Variants in MAG observed in about 807,000 individuals in gnomAD.
MAG encodes the protein myelin associated glycoprotein, also known as myelin-associated glycoprotein.
A neutral mutation model predicts 60.7 loss-of-function variants in MAG; 30 were observed. That is an observed-to-expected ratio of 0.49 (90% CI 0.37 to 0.67). The LOEUF is 0.67. MAG is among the 30% of genes least tolerant of loss of function. The pLI, the probability that MAG is intolerant of heterozygous loss-of-function variation, is 0.00. For synonymous variants in MAG, 384 were observed against 376.8 expected, an observed-to-expected ratio of 1.02 and a Z score of -0.22; for missense variants, 795 against 851.7, an observed-to-expected ratio of 0.93 and a Z score of 0.83.
chr19:35,295,431 C>T lies in MAG; in HGVS notation c.23C>T (p.Pro8Leu). The T allele has an allele frequency of 6.2e-7, 1 of 1,614,096 alleles. No homozygotes were observed. The highest frequency in any genetic ancestry group is 8.5e-7 in the Non-Finnish European group (1 of 1,180,028). Reference protein sequence around the residue: MIFLTALPLFWIMISASR... With the variant: MIFLTALLLFWIMISASR... ...AGAATGATATTCCTCACGGCACTGC[C>T]TCTGTTCTGGATTATGATTTCAGGT... Residue 8 changes from proline (P) to leucine (L), a missense_variant, in exon 3 of 11, where the codon CCT becomes CTT. Physicochemically the swap from Pro to Leu is moderately conservative, Grantham distance 98 (BLOSUM62 -3). Transcript: ENST00000392213. The surrounding 1 kb of genome is among the most constrained non-coding windows in gnomAD (Gnocchi z 5.8).
At position 35,302,576 on chromosome 19, in the gene MAG, T is replaced by A; in HGVS notation, c.1099T>A (p.Ser367Thr). 6.2e-7 allele frequency: 1 copy of A among 1,614,196 alleles called. No individual in the cohort carries two copies. Among genetic ancestry groups the A allele is most frequent in the Non-Finnish European group, 8.5e-7 (1 of 1,180,044 alleles). ...CATCTTCAAGGAGAAGCAGATCCTG[T>A]CCACGGTCATCTACGAGAGCGAGCT... ...LTIFKEKQIL[S>T]TVIYESELQL... The change falls in exon 7 of 11, where the codon TCC (serine) becomes ACC (threonine). Residue 367 changes from serine (S) to threonine (T), a missense_variant. Physicochemically the swap from Ser to Thr is moderately conservative, Grantham distance 58. Coordinates refer to ENST00000392213, the MANE Select transcript of MAG (RefSeq NM_002361.4).
intron 7 of MAG, among the ~76,000 whole-genome samples, chr19:35,304,722 T>G (rs2066471850): frequency 6.6e-6 from 1 of 151,978 alleles, no homozygotes; most frequent in African/African-American, 2.4e-5. Context: ...TTATTTTTAG[T>G]AGAGACGGGG....
chr19:35,300,536 A>G (rs2066441593), intron 6 of MAG, 132 bp downstream of exon 6: 1 of 1,171,756 alleles, frequency 8.5e-7, no homozygotes, highest in Non-Finnish European at 1.1e-6. Flanking sequence ...CAAGGTAGAC[A>G]GGGGGGTTGC....
chr19:35,307,520 C>T (rs895081506), intron 7 of MAG, among the ~76,000 whole-genome samples: 3 of 152,004 alleles, frequency 2.0e-5, no homozygotes, highest in South Asian at 4.1e-4. Context: ...AATACAATTG[C>T]GTATTTTGGT....
At chr19:35,300,475 A>G in intron 6 of MAG, 71 bp downstream of exon 6, 1 of 1,489,998 alleles carries the variant, frequency 6.7e-7, no homozygotes, top group Non-Finnish European at 8.9e-7. Context: ...GGCCTCATCC[A>G]GGGCGAGCAT....
rs1202680893 is a variant in MAG at position 35,310,061 on chromosome 19, C to T, written c.1419C>T (p.Ile473=). The T allele has an allele frequency of 3.1e-6, 5 of 1,613,556 alleles. No homozygotes were observed. Among genetic ancestry groups the T allele is most frequent in the Non-Finnish European group, 3.4e-6 (4 of 1,179,922 alleles). ...GCAGCGGCCTCGTGCTCACCAGCAT[C>T]CTCACGCTGCGGGGGCAGGCCCAGG... ...SERSGLVLTS[I]LTLRGQAQAP... is the part of the protein sequence containing the mutation. Residue 473 remains isoleucine, a synonymous_variant, in exon 8 of 11, where the codon ATC becomes ATT. Coordinates refer to ENST00000392213, the MANE Select transcript of MAG (RefSeq NM_002361.4).
intron 1 of MAG, 74 bp downstream of exon 1, chr19:35,292,278 G>T: frequency 2.2e-6 from 1 of 455,994 alleles, no homozygotes; most frequent in South Asian, 1.5e-5. Context: ...CGTGAGCAGG[G>T]TCAGGTGCTC....
In MAG at chr19:35,299,942, G is replaced by A. The variant is rs1228700588; in HGVS notation, c.712+92G>A. The A allele has an allele frequency of 1.3e-5, 16 of 1,263,150 alleles. No individual in the cohort carries two copies. The South Asian group carries it at 2.5e-4, about 20-fold the overall frequency. The allele number at this position is 1,263,150 out of a possible 1,614,324, so 78.2% of individuals were successfully genotyped here. ...TGGGGATGCGGCCGGAGGCGGGGCC[G>A]GGCCGTGATGGGGGCGGGGCCATGC... On this transcript the variant is annotated intron_variant, in intron 5 of 10. Coordinates refer to ENST00000392213, the MANE Select transcript of MAG (RefSeq NM_002361.4).
In MAG at chr19:35,299,573, G is replaced by A; in HGVS notation, c.435G>A (p.Val145=). The change falls in exon 5 of 11, where the codon GTG becomes GTA. Residue 145 remains valine (V), a synonymous_variant. Coordinates refer to ENST00000392213, the MANE Select transcript of MAG (RefSeq NM_002361.4). Reference sequence around the variant, plus strand: ...GTATAGACACCCCCAACATCGTGGTGCCCCCAGAGGTGGTGGCAGGCACGG... The same window carrying A: ...GTATAGACACCCCCAACATCGTGGTACCCCCAGAGGTGGTGGCAGGCACGG... ...LDIVNTPNIV[V]PPEVVAGTEV... is the part of the protein sequence containing the mutation. 1.3e-6 allele frequency: 2 copies of A among 1,592,492 alleles called. No individual in the cohort carries two copies. Among genetic ancestry groups the A allele is most frequent in the Non-Finnish European group, 8.6e-7 (1 of 1,164,492 alleles).
At chr19:35,299,872 G>GC in intron 5 of MAG, 22 bp downstream of exon 5, 1 of 880,256 alleles carries the variant, frequency 1.1e-6, no homozygotes, top group Non-Finnish European at 1.6e-6. Flanking sequence ...TGCGGGCGGG[G>GC]CGGGGTGGGG....
Position 35,295,350 on chromosome 19 carries a change from TC to T in MAG, c.-23-31del. 6.3e-7 allele frequency: 1 copy of T among 1,592,972 alleles called. No homozygotes were observed. On this transcript the variant is annotated intron_variant, in intron 2 of 10. Transcript: ENST00000392213. The surrounding 1 kb of genome is among the most constrained non-coding windows in gnomAD (Gnocchi z 5.8). ...CCCAGATGGAACACCCCCTTTCACT[TC>T]CCCCAGCCTTTAACCCTCTCCTCTC... is the stretch of plus-strand genomic sequence containing the variant.
In MAG at chr19:35,310,570, G is replaced by A. The variant is rs2066519497; in HGVS notation, c.1543G>A (p.Gly515Arg). The change falls in exon 9 of 11, where the codon GGG (glycine) becomes AGG (arginine). Residue 515 changes from glycine to arginine, a missense_variant. Transcript: ENST00000392213. ...AGATCGACTGATGTGGGCCAAGATCGGGCCTGTGGGCGCCGTGGTCGCCTT... is the reference window on the plus strand; with the variant it reads ...AGATCGACTGATGTGGGCCAAGATCAGGCCTGTGGGCGCCGTGGTCGCCTT... ...GAHRLMWAKI[G>R]PVGAVVAFAI... 6 of 1,614,188 alleles carry A rather than the reference G, an allele frequency of 3.7e-6. No homozygotes were observed. Among genetic ancestry groups the A allele is most frequent in the African/African-American group, 1.3e-5 (1 of 75,080 alleles).
chr19:35,306,206 C>T (rs905737816), intron 7 of MAG, among the ~76,000 whole-genome samples: 2 of 150,706 alleles, frequency 1.3e-5, no homozygotes, highest in African/African-American at 2.5e-5. Flanking sequence ...CCCACCCCCC[C>T]ACTCCCCCAC....
Position 35,300,252 on chromosome 19 carries a change from G to T in MAG, c.818G>T (p.Trp273Leu). 1 of 1,595,716 alleles carries T rather than the reference G, an allele frequency of 6.3e-7. No individual in the cohort carries two copies. Among genetic ancestry groups the T allele is most frequent in the East Asian group, 2.2e-5 (1 of 44,472 alleles). ...AGCAACCCCCCGCCGCTGCTGACCT[G>T]GATGCGGGACGGGACAGTCCTCCGG... is the stretch of plus-strand genomic sequence containing the variant. Reference protein sequence around the residue: ...ADSNPPPLLTWMRDGTVLREA... With the variant: ...ADSNPPPLLTLMRDGTVLREA... The change falls in exon 6 of 11, where the codon TGG (tryptophan) becomes TTG (leucine). Residue 273 changes from tryptophan (W) to leucine (L), a missense_variant. Physicochemically the swap from Trp to Leu is moderately conservative, Grantham distance 61. Coordinates refer to ENST00000392213, the MANE Select transcript of MAG (RefSeq NM_002361.4).
chr19:35,299,026 T>TGCACCACACACCCACACCACAC (rs2066425183), intron 4 of MAG, among the ~76,000 whole-genome samples: 1 of 136,882 alleles, frequency 7.3e-6, no homozygotes, highest in Non-Finnish European at 1.6e-5. Context: ...ACTACACACA[T>TGCACCACACACCCACACCACAC]GCACCACACA....
At chr19:35,312,355 C>T in intron 10 of MAG, 2 of 1,597,688 alleles carry the variant, frequency 1.3e-6, no homozygotes, top group Non-Finnish European at 1.7e-6. Context: ...GTGTGCCCTC[C>T]TCTGGGCCCT....
intron 6 of MAG, 61 bp downstream of exon 6, chr19:35,300,465 G>A (rs1599651489): frequency 6.6e-7 from 1 of 1,505,334 alleles, no homozygotes; most frequent in South Asian, 1.3e-5. Context: ...AAGGGAAAGG[G>A]GCCTCATCCA....
In MAG at chr19:35,299,868, C is replaced by G; in HGVS notation, c.712+18C>G. On this transcript the variant is annotated intron_variant, in intron 5 of 10. Coordinates refer to ENST00000392213, the MANE Select transcript of MAG (RefSeq NM_002361.4). ...CGTCAAGTGTGAGCCTGGGTGCGGG[C>G]GGGGCGGGGTGGGGCGGGGTGGGGC... 6.8e-5 allele frequency: 9 copies of G among 133,178 alleles called. No homozygotes were observed. The highest frequency in any genetic ancestry group is 2.7e-4 in the South Asian group (1 of 3,756). 8.2% of individuals were successfully genotyped at this position (133,178 alleles called of 1,614,324 possible). A position where few individuals can be genotyped will look rare whatever the true frequency, so the allele number is the denominator to read the frequency against.
In MAG at chr19:35,299,724, T is replaced by C. The variant is rs754767638; in HGVS notation, c.586T>C (p.Trp196Arg). 1.3e-6 allele frequency: 2 copies of C among 1,568,654 alleles called. No homozygotes were observed. Among genetic ancestry groups the C allele is most frequent in the Non-Finnish European group, 1.7e-6 (2 of 1,158,642 alleles). The change falls in exon 5 of 11, where the codon TGG (tryptophan) becomes CGG (arginine). Residue 196 changes from tryptophan (W) to arginine (R), a missense_variant. Transcript: ENST00000392213. ...LGRLREDEGTWVQVSLLHFVP... is the reference protein window; with the variant it reads ...LGRLREDEGTRVQVSLLHFVP... The stretch of plus-strand genomic sequence containing the variant: ...CCGGCTGCGGGAGGACGAGGGCACC[T>C]GGGTGCAGGTGTCACTGCTGCACTT...
Sources: allele counts gnomAD v4.1 joint callset (sites outside exome capture counted in the v4.1 genomes callset), GRCh38; gene constraint gnomAD v4.1.1; non-coding constraint Gnocchi (gnomAD v3.1); transcripts MANE v1.5; gene names NCBI Gene and HGNC (gene_info 2026-07-23, HGNC 2026-07-21).